RAB23: variants seen among roughly 807,000 people sequenced by gnomAD.
The protein encoded by RAB23 is RAB23, member RAS oncogene family, also known as ras-related protein Rab-23.
In RAB23, 15 loss-of-function variants were observed where a neutral mutation model predicts 30.0. The ratio of observed to expected loss-of-function variants is 0.50; its 90% confidence interval spans 0.33 to 0.77. The LOEUF is 0.77. RAB23 is among the 30% of genes least tolerant of loss of function. The pLI is 0.02. For missense variants in RAB23, 243 were observed against 275.4 expected, an observed-to-expected ratio of 0.88 and a Z score of 0.83; for synonymous variants, 93 against 94.0, an observed-to-expected ratio of 0.99 and a Z score of 0.06.
chr6:57,193,112 C>G (rs987704672), intron 6 of RAB23, among the ~76,000 whole-genome samples: 1 of 151,912 alleles, frequency 6.6e-6, no homozygotes. Flanking sequence ...GGAGATCACA[C>G]CAGGTAGAGG....
At chr6:57,214,845 C>A (rs1364649195) in intron 1 of RAB23, among the ~76,000 whole-genome samples, 1 of 152,018 alleles carries the variant, frequency 6.6e-6, no homozygotes. Flanking sequence ...AATCAATAGA[C>A]ACTAGCAATG....
intron 3 of RAB23, among the ~76,000 whole-genome samples, chr6:57,198,636 G>A (rs935218886): frequency 6.6e-6 from 1 of 151,634 alleles, no homozygotes; most frequent in African/African-American, 2.4e-5. Context: ...AGCTGTGATT[G>A]TGCCACCGCA....
intron 1 of RAB23, among the ~76,000 whole-genome samples, chr6:57,215,213 A>C (rs564838663): frequency 1.3e-5 from 2 of 152,294 alleles, no homozygotes; most frequent in African/African-American, 4.8e-5. Context: ...TTCCAGGAGG[A>C]GAGGAGAAAG....
intron 3 of RAB23, among the ~76,000 whole-genome samples, chr6:57,199,283 C>T (rs575354410): frequency 2.6e-5 from 4 of 152,196 alleles, no homozygotes; most frequent in Admixed American, 6.5e-5. Flanking sequence ...CCTCAGCCTC[C>T]CTTTGGTGGG....
At chr6:57,218,738 G>A (rs538387082) in intron 1 of RAB23, among the ~76,000 whole-genome samples, 1 of 152,024 alleles carries the variant, frequency 6.6e-6, no homozygotes, top group South Asian at 2.1e-4. Context: ...TGTAATCCCA[G>A]CTACTCAGGA....
At chr6:57,196,358 T>G in intron 4 of RAB23, 92 bp downstream of exon 4, 5 of 1,465,548 alleles carry the variant, frequency 3.4e-6, no homozygotes, top group Non-Finnish European at 4.7e-6. Context: ...AAGTATAGAA[T>G]TTTTCCTAGA....
Position 57,189,036 on chromosome 6 carries a change from C to G in RAB23, c.*1425G>C, listed in dbSNP as rs1175387391. 1 of 152,062 alleles carries G rather than the reference C, an allele frequency of 6.6e-6. No homozygotes were observed. Among genetic ancestry groups the G allele is most frequent in the Non-Finnish European group, 1.5e-5 (1 of 68,008 alleles). The allele number at this position is 152,062 out of a possible 1,614,324, so 9.4% of individuals were successfully genotyped here. The stretch of plus-strand genomic sequence containing the variant: ...TACAGATTTTGCAATGCTGTAAAAA[C>G]CAGGTATATTGAAAGGGGTTATTTA... On this transcript the variant is annotated 3_prime_UTR_variant, in exon 7 of 7. Transcript: ENST00000468148.
At chr6:57,214,289 T>C (rs575713230) in intron 1 of RAB23, among the ~76,000 whole-genome samples, 1 of 152,190 alleles carries the variant, frequency 6.6e-6, no homozygotes, top group African/African-American at 2.4e-5. Context: ...TCATGACCAG[T>C]AGTAAGAGGA....
At chr6:57,204,142 G>A (rs3800019) in intron 3 of RAB23, among the ~76,000 whole-genome samples, 40,323 of 151,988 alleles carry the variant, frequency 0.27, 6,325 homozygotes, top group African/African-American at 0.45. Flanking sequence ...TATAACTGGT[G>A]TAAGTTTGTA....
In RAB23 at chr6:57,196,492, A is replaced by C; in HGVS notation, c.356T>G (p.Val119Gly). 1 of 1,614,008 alleles carries C rather than the reference A, an allele frequency of 6.2e-7. No homozygotes were observed. The highest frequency in any genetic ancestry group is 8.5e-7 in the Non-Finnish European group (1 of 1,179,946). ...ATCCAGAAGATCAATCTTGTTTTGC[A>C]CAAGTACAGTTGGTATATCTCCCAC... is the stretch of plus-strand genomic sequence containing the variant. ...AEVGDIPTVL[V>G]QNKIDLLDDS... Residue 119 changes from valine to glycine, a missense_variant, in exon 4 of 7, where the codon GTG (valine) becomes GGG (glycine). By Grantham distance (109) the Val-to-Gly change is moderately radical. Transcript: ENST00000468148.
At chr6:57,216,299 A>G (rs1223137791) in intron 1 of RAB23, among the ~76,000 whole-genome samples, 3 of 152,158 alleles carry the variant, frequency 2.0e-5, no homozygotes. Flanking sequence ...ATGCATGACT[A>G]TATATATAAT....
intron 3 of RAB23, among the ~76,000 whole-genome samples, 166 bp downstream of exon 3, chr6:57,207,462 C>T (rs1765490864): frequency 6.6e-6 from 1 of 152,162 alleles, no homozygotes; most frequent in Non-Finnish European, 1.5e-5. Flanking sequence ...TGCTACTATA[C>T]AAGATCTTTA....
intron 3 of RAB23, among the ~76,000 whole-genome samples, chr6:57,197,955 T>C (rs1765091682): frequency 6.6e-6 from 1 of 152,114 alleles, no homozygotes; most frequent in East Asian, 1.9e-4. Context: ...GTTTGTTTGT[T>C]TTGTAGAGAT....
At chr6:57,199,783 C>T (rs1045683255) in intron 3 of RAB23, among the ~76,000 whole-genome samples, 2 of 151,128 alleles carry the variant, frequency 1.3e-5, no homozygotes, top group African/African-American at 4.9e-5. Flanking sequence ...AAAAATATTA[C>T]TAAAATGGAA....
chr6:57,202,503 A>C (rs1476980613), intron 3 of RAB23, among the ~76,000 whole-genome samples: 1 of 152,180 alleles, frequency 6.6e-6, no homozygotes, highest in East Asian at 1.9e-4. Context: ...TGTGGGAAGT[A>C]ACCCTCTCTC....
In RAB23 at chr6:57,193,867, T is replaced by C. The variant is rs2127997659; in HGVS notation, c.549A>G (p.Leu183=). Residue 183 remains leucine (L), a synonymous_variant, in exon 6 of 7, where the codon CTA becomes CTG. Coordinates refer to ENST00000468148, the MANE Select transcript of RAB23 (RefSeq NM_016277.5). ...CAATCTTGTTACTACTTGAATGCGT[T>C]AGTTCTGGATCCTCAGCTATTTGTT... ...LKQQIAEDPE[L]THSSSNKIGV... The C allele has an allele frequency of 1.2e-6, 2 of 1,613,052 alleles. No homozygotes were observed. The highest frequency in any genetic ancestry group is 1.7e-6 in the Non-Finnish European group (2 of 1,179,344).
At position 57,188,939 on chromosome 6, in the gene RAB23, G is replaced by T. The variant is rs537671730; in HGVS notation, c.*1522C>A. 2 of 152,052 alleles carry T rather than the reference G, an allele frequency of 1.3e-5. No individual in the cohort carries two copies. The highest frequency in any genetic ancestry group is 3.9e-4 in the East Asian group (2 of 5,184). 9.4% of individuals were successfully genotyped at this position (152,052 alleles called of 1,614,324 possible). Reference sequence around the variant, plus strand: ...AAAAACAAAAGATAAAACACAAAAGGAGTACATAAAACATTGTTTAGTACA... The same window carrying T: ...AAAAACAAAAGATAAAACACAAAAGTAGTACATAAAACATTGTTTAGTACA... On this transcript the variant is annotated 3_prime_UTR_variant, in exon 7 of 7. Coordinates refer to ENST00000468148, the MANE Select transcript of RAB23 (RefSeq NM_016277.5).
intron 1 of RAB23, among the ~76,000 whole-genome samples, chr6:57,220,379 A>C (rs1261971991): frequency 6.6e-6 from 1 of 152,216 alleles, no homozygotes; most frequent in African/African-American, 2.4e-5. Flanking sequence ...CATTTACCAT[A>C]TGACCCTGCA....
intron 3 of RAB23, among the ~76,000 whole-genome samples, chr6:57,197,333 T>A (rs1302363001): frequency 1.3e-5 from 2 of 152,300 alleles, no homozygotes; most frequent in Middle Eastern, 3.4e-3. Context: ...TCAACTGTCA[T>A]TTTAGGCTGA....
Sources: gnomAD v4.1 joint callset for allele counts (sites outside exome capture counted in the v4.1 genomes callset) on GRCh38, gnomAD v4.1.1 for gene constraint, MANE v1.5 for transcripts, NCBI Gene and HGNC (gene_info 2026-07-23, HGNC 2026-07-21) for gene names.